DLGAP1: variants seen among roughly 807,000 people sequenced by gnomAD.
DLGAP1 encodes the protein disks large-associated protein 1.
Under a neutral mutation model 90.8 loss-of-function variants are expected in DLGAP1, and 11 were observed. The observed-to-expected ratio is 0.12, with a 90% CI of 0.08 to 0.20. The LOEUF (loss-of-function observed/expected upper bound fraction) is 0.20, where lower values mean the gene tolerates loss of function less well. DLGAP1 is among the 10% of genes least tolerant of loss of function. DLGAP1 has a pLI of 1.00. For synonymous variants in DLGAP1, 558 were observed against 540.7 expected (o/e 1.03, Z -0.44); for missense variants, 1,050 against 1,333.8 (o/e 0.79, Z 3.31).
intron 4 of DLGAP1, among the ~76,000 whole-genome samples, chr18:3,818,892 C>A (rs1442431339): frequency 1.3e-5 from 2 of 151,842 alleles, no homozygotes; most frequent in South Asian, 2.1e-4. Context: ...CCGTGCCCAG[C>A]CAGGATGAGA....
At chr18:4,176,737 G>A (rs764586996) in intron 1 of DLGAP1, among the ~76,000 whole-genome samples, 15 of 152,124 alleles carry the variant, frequency 9.9e-5, no homozygotes, top group Non-Finnish European at 1.6e-4. Context: ...TACTTTTCCT[G>A]GAACCCTCTG....
chr18:3,643,727 C>T (rs2059022244), intron 7 of DLGAP1, among the ~76,000 whole-genome samples: 1 of 136,830 alleles, frequency 7.3e-6, no homozygotes, highest in African/African-American at 2.7e-5. Context: ...AAAGGAAATA[C>T]AAATGACTCA....
At chr18:4,381,146 T>C (rs2082107782) in intron 1 of DLGAP1, among the ~76,000 whole-genome samples, 2 of 152,168 alleles carry the variant, frequency 1.3e-5, no homozygotes. Flanking sequence ...GAAAAAGACT[T>C]CCCCATGTTA....
At chr18:3,754,641 A>G (rs927555638) in intron 5 of DLGAP1, among the ~76,000 whole-genome samples, 4 of 149,620 alleles carry the variant, frequency 2.7e-5, no homozygotes, top group African/African-American at 9.9e-5. Context: ...CCACTCTGGG[A>G]GGCCGAGGCA....
intron 7 of DLGAP1, among the ~76,000 whole-genome samples, chr18:3,585,723 T>G (rs1029440053): frequency 1.3e-5 from 2 of 152,156 alleles, no homozygotes; most frequent in African/African-American, 4.8e-5. Flanking sequence ...GTGGGAGGAC[T>G]GCTTGAGTCC....
intron 3 of DLGAP1, among the ~76,000 whole-genome samples, chr18:3,931,423 G>T (rs1273011163): frequency 1.3e-5 from 2 of 152,204 alleles, no homozygotes; most frequent in East Asian, 3.9e-4. Flanking sequence ...AAGGGCAGGG[G>T]GTGGAAAATG....
In DLGAP1 at chr18:3,856,916, G is replaced by A. The variant is rs569836441; in HGVS notation, c.957+22196C>T. Among the ~76,000 whole-genome samples the A allele has an allele frequency of 2.0e-5, 3 of 152,022 alleles. No homozygotes were observed. In the South Asian group the frequency reaches 6.2e-4, roughly 32 times the overall value. On this transcript the variant is annotated intron_variant, in intron 4 of 12. Transcript: ENST00000315677. Reference sequence around the variant, plus strand: ...TATTTAGTGTCATGCTACATCCATAGAGGACTTCAGTATATAGTATGAAGA... The same window carrying A: ...TATTTAGTGTCATGCTACATCCATAAAGGACTTCAGTATATAGTATGAAGA...
chr18:3,770,976 G>T (rs1011706037), intron 5 of DLGAP1: 2 of 152,132 alleles, frequency 1.3e-5, no homozygotes, highest in African/African-American at 4.8e-5. Context: ...TGAAAGAATG[G>T]AAAGATAATA....
At chr18:3,629,789 C>T (rs1033429242) in intron 7 of DLGAP1, among the ~76,000 whole-genome samples, 5 of 152,076 alleles carry the variant, frequency 3.3e-5, no homozygotes, top group Admixed American at 2.0e-4. Flanking sequence ...TTTTGGATTC[C>T]TAATGAGATG....
At chr18:4,334,162 C>T (rs192177910) in intron 1 of DLGAP1, among the ~76,000 whole-genome samples, 4 of 151,502 alleles carry the variant, frequency 2.6e-5, no homozygotes, top group East Asian at 2.0e-4. Flanking sequence ...TGCTTGAACC[C>T]GGGAGGCAGA....
intron 7 of DLGAP1, among the ~76,000 whole-genome samples, chr18:3,671,357 A>G (rs1168279302): frequency 3.3e-5 from 5 of 152,220 alleles, no homozygotes; most frequent in African/African-American, 1.2e-4. Flanking sequence ...CACTACAAGA[A>G]AAAAAGCTCT....
chr18:3,629,565 G>A (rs892393286), intron 7 of DLGAP1, among the ~76,000 whole-genome samples: 3 of 151,878 alleles, frequency 2.0e-5, no homozygotes, highest in Non-Finnish European at 2.9e-5. Flanking sequence ...CCAGCTACTC[G>A]GGAGGCTGAG....
chr18:3,936,584 A>G (rs1326750022), intron 3 of DLGAP1, among the ~76,000 whole-genome samples: 2 of 152,236 alleles, frequency 1.3e-5, no homozygotes, highest in Non-Finnish European at 2.9e-5. Context: ...TCTCCAGGAC[A>G]TATTCCTGTC....
intron 3 of DLGAP1, among the ~76,000 whole-genome samples, chr18:3,976,258 C>G (rs529618115): frequency 1.5e-4 from 22 of 150,904 alleles, no homozygotes; most frequent in Non-Finnish European, 2.9e-4. Flanking sequence ...TGCCTGTAAT[C>G]CCAGCTCTTT....
chr18:3,679,886 A>G (rs1418571400), intron 7 of DLGAP1: 6 of 140,384 alleles, frequency 4.3e-5, no homozygotes, highest in Non-Finnish European at 9.3e-5. Context: ...GGTTCTTGCT[A>G]TGTTGTTCAG....
chr18:4,427,496 G>A (rs1384398940), intron 1 of DLGAP1, among the ~76,000 whole-genome samples: 2 of 152,178 alleles, frequency 1.3e-5, no homozygotes, highest in Non-Finnish European at 2.9e-5. Context: ...TAGATTGGAA[G>A]AGCTTGTTCT....
At chr18:3,761,392 G>A (rs1315903494) in intron 5 of DLGAP1, among the ~76,000 whole-genome samples, 3 of 152,050 alleles carry the variant, frequency 2.0e-5, no homozygotes, top group Non-Finnish European at 4.4e-5. Flanking sequence ...TGTCTTCAAG[G>A]TCCATCCACA....
At chr18:3,881,581 G>C (rs1472670068) in intron 3 of DLGAP1, among the ~76,000 whole-genome samples, 1 of 152,160 alleles carries the variant, frequency 6.6e-6, no homozygotes, top group African/African-American at 2.4e-5. Flanking sequence ...TAAGCACACA[G>C]TAATAGCACT....
At chr18:3,685,013 T>G (rs567382589) in intron 7 of DLGAP1, among the ~76,000 whole-genome samples, 51 of 152,300 alleles carry the variant, frequency 3.3e-4, no homozygotes, top group South Asian at 3.1e-3. Context: ...TTGGCATTAT[T>G]TATAAAGCGC....
Sources: allele counts gnomAD v4.1 joint callset (sites outside exome capture counted in the v4.1 genomes callset), GRCh38; gene constraint gnomAD v4.1.1; transcripts MANE v1.5; gene names NCBI Gene and HGNC (gene_info 2026-07-23, HGNC 2026-07-21).